The following DIDO1 variants were observed in gnomAD, a reference collection of about 807,000 sequenced individuals.
DIDO1 encodes death-inducer obliterator 1.
Under a neutral mutation model 99.4 loss-of-function variants are expected in DIDO1, and 16 were observed. The ratio of observed to expected loss-of-function variants is 0.16; its 90% CI spans 0.11 to 0.24. The LOEUF (loss-of-function observed/expected upper bound fraction) is 0.24, where lower values mean the gene tolerates loss of function less well. DIDO1 is among the 10% of genes least tolerant of loss of function. The pLI is 1.00. For synonymous variants in DIDO1, 1,366 were observed against 1,239.1 expected (o/e 1.10, Z -2.15); for missense variants, 2,996 against 3,014.0 (o/e 0.99, Z 0.14).
chr20:62,900,711 A>T lies in DIDO1; in HGVS notation c.1589-3715T>A, dbSNP rs138759734. On this transcript the variant is annotated intron_variant, in intron 6 of 15. Coordinates refer to ENST00000395343, the MANE Select transcript of DIDO1 (RefSeq NM_001193369.2). ...ACCACACGCCCTCACGTAGGTGTTGACAATGAAGTGGCCTGCCCTGTCGCG... is the reference window on the plus strand; with the variant it reads ...ACCACACGCCCTCACGTAGGTGTTGTCAATGAAGTGGCCTGCCCTGTCGCG... 1.6e-3 allele frequency among the ~76,000 whole-genome samples: 251 copies of T among 152,354 alleles called. 4 individuals are homozygous for T. Among genetic ancestry groups the T allele is most frequent in the African/African-American group, 5.7e-3 (236 of 41,578 alleles).
upstream of DIDO1, among the ~76,000 whole-genome samples, chr20:62,931,416 G>GGGCAAAAAA (rs564042528): frequency 2.1e-3 from 314 of 152,186 alleles, 1 homozygote; most frequent in African/African-American, 6.7e-3. Context: ...GTTAAGTATA[G>GGGCAAAAAA]GGCAAAAAAC....
intron 1 of DIDO1, among the ~76,000 whole-genome samples, chr20:62,934,262 T>C (rs1214548051): frequency 6.6e-6 from 1 of 152,094 alleles, no homozygotes; most frequent in Non-Finnish European, 1.5e-5. Flanking sequence ...CCTCCACCCA[T>C]CCCTTCTCCA....
At chr20:62,931,748 T>C (rs1002901498) in intron 1 of DIDO1, among the ~76,000 whole-genome samples, 1 of 152,226 alleles carries the variant, frequency 6.6e-6, no homozygotes, top group Non-Finnish European at 1.5e-5. Context: ...GCCTTCTACC[T>C]AACCTCAATG....
chr20:62,911,317 G>A lies in DIDO1; in HGVS notation c.296C>T (p.Pro99Leu). The A allele has an allele frequency of 6.2e-7, 1 of 1,608,712 alleles. No homozygotes were observed. The highest frequency in any genetic ancestry group is 1.3e-5 in the African/African-American group (1 of 75,038). Reference sequence around the variant, plus strand: ...GGCGTCTGTGGCGGGGCAGGACGTGGGCTCACCAGAATCCTCCAGGGAGAC... The same window carrying A: ...GGCGTCTGTGGCGGGGCAGGACGTGAGCTCACCAGAATCCTCCAGGGAGAC... ...MPVSLEDSGEPTSCPATDAET... is the reference protein window; with the variant it reads ...MPVSLEDSGELTSCPATDAET... Residue 99 changes from proline to leucine, a missense_variant, in exon 3 of 16, where the codon CCC becomes CTC. By Grantham distance (98) the Pro-to-Leu change is moderately conservative. This residue lies in a region of DIDO1 where 388 missense variants were observed against 376.6 expected (regional missense o/e 1.03). Coordinates refer to ENST00000395343, the MANE Select transcript of DIDO1 (RefSeq NM_001193369.2). The surrounding 1 kb of genome is among the most constrained non-coding windows in gnomAD (Gnocchi z 7.0).
rs2064519911 is a variant in DIDO1, at chr20:62,896,331, T to C, written c.2116A>G (p.Ile706Val). The change falls in exon 8 of 16, where the codon ATT becomes GTT. Residue 706 changes from isoleucine to valine, a missense_variant. Ile to Val is a conservative substitution (Grantham distance 29, BLOSUM62 3). Coordinates refer to ENST00000395343, the MANE Select transcript of DIDO1 (RefSeq NM_001193369.2). The surrounding 1 kb of genome is among the most constrained non-coding windows in gnomAD (Gnocchi z 4.4). The stretch of plus-strand genomic sequence containing the variant: ...AACAAGTTAAACATCTCCTTCTCAA[T>C]ATGGAGGGCAATTTTTCCTACTTCG... ...ENEVGKIALH[I>V]EKEMFNLFQV... is the part of the protein sequence containing the mutation. 1 of 1,614,116 alleles carries C rather than the reference T, an allele frequency of 6.2e-7. No homozygotes were observed.
intron 6 of DIDO1, among the ~76,000 whole-genome samples, chr20:62,901,359 G>A (rs2064675957): frequency 6.6e-6 from 1 of 152,148 alleles, no homozygotes; most frequent in Admixed American, 6.5e-5. Flanking sequence ...TGTGATGAGG[G>A]CCACGTGGAC....
intron 1 of DIDO1, among the ~76,000 whole-genome samples, chr20:62,925,283 T>C (rs1334643061): frequency 6.6e-6 from 1 of 152,254 alleles, no homozygotes; most frequent in Non-Finnish European, 1.5e-5. Flanking sequence ...GTGCTAACAG[T>C]AAGCAATGAA....
chr20:62,930,860 T>C (rs2065325965), upstream of DIDO1, among the ~76,000 whole-genome samples: 1 of 152,220 alleles, frequency 6.6e-6, no homozygotes, highest in South Asian at 2.1e-4. Context: ...AAAAGGAACT[T>C]CTCATGGCAG....
chr20:62,919,805 T>C (rs576586755), intron 1 of DIDO1, among the ~76,000 whole-genome samples: 1 of 152,306 alleles, frequency 6.6e-6, no homozygotes, highest in Admixed American at 6.5e-5. Flanking sequence ...CTCTATCTAC[T>C]TCCTAGTGCA....
Position 62,879,415 on chromosome 20 carries a change from G to A in DIDO1, c.6541C>T (p.Arg2181Cys), listed in dbSNP as rs1055470904. The A allele has an allele frequency of 1.9e-6, 3 of 1,544,350 alleles. No individual in the cohort carries two copies. Among genetic ancestry groups the A allele is most frequent in the Non-Finnish European group, 2.6e-6 (3 of 1,149,172 alleles). The change falls in exon 16 of 16, where the codon CGC becomes TGC. Residue 2181 changes from arginine to cysteine, a missense_variant. Physicochemically the swap from Arg to Cys is radical, Grantham distance 180 (BLOSUM62 -3). Transcript: ENST00000395343. This position sits in a 1 kb window ranked among gnomAD's most constrained non-coding sequence, Gnocchi z 6.3. ...CGGTCGCGCCTCCGGTCTCGCTCGC[G>A]CTCTCGGTTCCTGCTCCGCTCCCGG... is the stretch of plus-strand genomic sequence containing the variant. ...RSRERSRNRERERDRRRDRDR... is the reference protein window; with the variant it reads ...RSRERSRNRECERDRRRDRDR...
intron 15 of DIDO1, among the ~76,000 whole-genome samples, chr20:62,883,503 C>T: frequency 6.6e-6 from 1 of 151,734 alleles, no homozygotes; most frequent in Non-Finnish European, 1.5e-5. Flanking sequence ...CCAGTCTGGC[C>T]AACGTGGTGA....
intron 15 of DIDO1, chr20:62,887,776 C>T (rs548396104): frequency 4.2e-4 from 412 of 985,464 alleles, no homozygotes; most frequent in Admixed American, 2.0e-3. Flanking sequence ...ACTCTGCGAC[C>T]CCAAGTCCCT....
rs1033792425 is a variant in DIDO1 at position 62,933,220 on chromosome 20, AAAC to A, written c.-200+4573_-200+4575del. On this transcript the variant is annotated intron_variant, in intron 1 of 15. Coordinates refer to the DIDO1 transcript ENST00000266070. Reference sequence around the variant, plus strand: ...GAGTGAAATTCTGTCTCAAACAAAAAAACAACAACAAAAGAATATGTGCAGCAG... The same window carrying A: ...GAGTGAAATTCTGTCTCAAACAAAAAAACAACAAAAGAATATGTGCAGCAG... Among the ~76,000 whole-genome samples, 4 of 152,274 alleles carry A rather than the reference AAAC, an allele frequency of 2.6e-5. No homozygotes were observed. In the East Asian group the frequency reaches 5.8e-4, roughly 22 times the overall value.
chr20:62,917,389 C>T (rs1473762329), intron 1 of DIDO1, among the ~76,000 whole-genome samples: 2 of 152,198 alleles, frequency 1.3e-5, no homozygotes, highest in African/African-American at 4.8e-5. Flanking sequence ...ATCAGGTTTA[C>T]AATGGCAGAT....
At chr20:62,926,703 A>G (rs959320484), upstream of DIDO1, among the ~76,000 whole-genome samples, 4 of 152,192 alleles carry the variant, frequency 2.6e-5, no homozygotes, top group East Asian at 3.9e-4. Context: ...CTTTGTGGAC[A>G]CCTTATTTCC....
chr20:62,894,545 G>C lies in DIDO1; in HGVS notation c.2440C>G (p.Gln814Glu). The change falls in exon 11 of 16, where the codon CAG becomes GAG. Residue 814 changes from glutamine (Q) to glutamate (E), a missense_variant. Coordinates refer to ENST00000395343, the MANE Select transcript of DIDO1 (RefSeq NM_001193369.2). This position sits in a 1 kb window ranked among gnomAD's most constrained non-coding sequence, Gnocchi z 4.4. ...GGGACAGCACGTGCTGACTCTTGCT[G>C]TTCCTAAAAAAGAAAAAGAAAAAAA... ...DSPPVSDSEE[Q>E]QESARAVPEK... is the part of the protein sequence containing the mutation. 6.2e-7 allele frequency: 1 copy of C among 1,607,044 alleles called. No homozygotes were observed.
chr20:62,905,355 C>G, intron 6 of DIDO1: 3 of 1,439,052 alleles, frequency 2.1e-6, no homozygotes, highest in Non-Finnish European at 2.7e-6. Flanking sequence ...AAAAAATCCC[C>G]TATCTGCCCA....
intron 15 of DIDO1, chr20:62,888,673 C>A: frequency 1.0e-6 from 1 of 985,464 alleles, no homozygotes; most frequent in Non-Finnish European, 1.2e-6. Context: ...CACGCGCGCA[C>A]ATGCACACGC....
Position 62,904,780 on chromosome 20 carries a change from C to CAAAAAAAAA in DIDO1, c.1588+1098_1588+1106dup, listed in dbSNP as rs58039393. 5.7e-3 allele frequency among the ~76,000 whole-genome samples: 359 copies of CAAAAAAAAA among 62,592 alleles called. 25 individuals are homozygous for CAAAAAAAAA. Among genetic ancestry groups the CAAAAAAAAA allele is most frequent in the Non-Finnish European group, 7.9e-3 (234 of 29,806 alleles). The allele number at this position is 62,592 out of a possible 152,430, so 41.1% of individuals were successfully genotyped here. On this transcript the variant is annotated intron_variant, in intron 6 of 15. Coordinates refer to ENST00000395343, the MANE Select transcript of DIDO1 (RefSeq NM_001193369.2). ...GGGTGACAGAGCAAGACTCTTGTCT[C>CAAAAAAAAA]AAAAAAAAAAAAAAAAAAAAAAAAA...
Sources: allele counts gnomAD v4.1 joint callset (sites outside exome capture counted in the v4.1 genomes callset), GRCh38; gene constraint gnomAD v4.1.1; regional missense constraint gnomAD v4.1.1; non-coding constraint Gnocchi (gnomAD v3.1); transcripts MANE v1.5; gene names NCBI Gene and HGNC (gene_info 2026-07-23, HGNC 2026-07-21).